TPRG1: variants seen among roughly 807,000 people sequenced by gnomAD.
TPRG1 encodes the protein tumor protein p63 regulated 1.
Under a neutral mutation model 29.3 loss-of-function variants are expected in TPRG1, and 29 were observed. The ratio of observed to expected loss-of-function variants is 0.99; its 90% CI spans 0.74 to 1.35. The LOEUF is 1.35. Among genes scored for constraint, TPRG1 ranks in the 40% most tolerant of loss-of-function variants. TPRG1 has a pLI of 0.00. For synonymous variants in TPRG1, 130 were observed against 116.8 expected (o/e 1.11, Z -0.73); for missense variants, 327 against 335.0 (o/e 0.98, Z 0.19).
At position 189,238,839 on chromosome 3, in the gene TPRG1, C is replaced by G. The variant is rs774264008; in HGVS notation, c.409C>G (p.Arg137Gly). The G allele has an allele frequency of 1.9e-6, 3 of 1,613,742 alleles. No homozygotes were observed. The highest frequency in any genetic ancestry group is 2.2e-5 in the South Asian group (2 of 91,066). The change falls in exon 4 of 6, where the codon CGG becomes GGG. Residue 137 changes from arginine (R) to glycine (G), a missense_variant. Transcript: ENST00000345063. ...CATGCTGAGTTGTGTGCAGCTGCAGCGGATTCCTCTGAGCGCTGTCTATCG... is the reference window on the plus strand; with the variant it reads ...CATGCTGAGTTGTGTGCAGCTGCAGGGGATTCCTCTGAGCGCTGTCTATCG... ...FIMLSCVQLQRIPLSAVYRIC... is the reference protein window; with the variant it reads ...FIMLSCVQLQGIPLSAVYRIC...
At chr3:189,208,060 G>A (rs1734685414) in intron 2 of TPRG1, among the ~76,000 whole-genome samples, 1 of 152,228 alleles carries the variant, frequency 6.6e-6, no homozygotes, top group African/African-American at 2.4e-5. Context: ...GGAGCAGGTA[G>A]CTTTAAATCT....
chr3:189,066,610 T>G (rs543560710), intron 4 of TPRG1, among the ~76,000 whole-genome samples: 14 of 151,136 alleles, frequency 9.3e-5, no homozygotes, highest in African/African-American at 3.4e-4. Context: ...TGATACAATT[T>G]AACATCCCTT....
intron 2 of TPRG1, among the ~76,000 whole-genome samples, chr3:189,208,795 A>G (rs917534828): frequency 2.6e-5 from 4 of 152,204 alleles, no homozygotes; most frequent in Non-Finnish European, 4.4e-5. Context: ...GAGTTGTGCT[A>G]TCTTTGATAT....
At chr3:189,168,136 A>G (rs2108650760), upstream of TPRG1, among the ~76,000 whole-genome samples, 1 of 152,336 alleles carries the variant, frequency 6.6e-6, no homozygotes, top group East Asian at 1.9e-4. Context: ...CAGTTTAGGA[A>G]GCCAAAGCAG....
chr3:189,126,132 G>A (rs140781007), intron 1 of TPRG1, among the ~76,000 whole-genome samples: 2 of 152,170 alleles, frequency 1.3e-5, no homozygotes, highest in African/African-American at 4.8e-5. Flanking sequence ...GACAATTTTG[G>A]TTTGGGGGAT....
intron 4 of TPRG1, among the ~76,000 whole-genome samples, chr3:189,302,834 C>A (rs1721046335): frequency 1.3e-5 from 2 of 152,184 alleles, no homozygotes; most frequent in Admixed American, 1.3e-4. Flanking sequence ...ATTTGCCCAT[C>A]ACCCCAATAA....
chr3:189,098,781 G>A (rs1429798542), upstream of TPRG1, among the ~76,000 whole-genome samples: 1 of 152,102 alleles, frequency 6.6e-6, no homozygotes, highest in Non-Finnish European at 1.5e-5. Flanking sequence ...CACCATCATT[G>A]CCTTTGACCC....
At chr3:189,177,567 A>G (rs1242889128) in intron 1 of TPRG1, among the ~76,000 whole-genome samples, 1 of 151,808 alleles carries the variant, frequency 6.6e-6, no homozygotes, top group Non-Finnish European at 1.5e-5. Context: ...ATGAAATCAA[A>G]TGAGGTAATC....
chr3:189,067,135 A>G (rs1323105924), intron 4 of TPRG1, among the ~76,000 whole-genome samples: 1 of 152,204 alleles, frequency 6.6e-6, no homozygotes, highest in Non-Finnish European at 1.5e-5. Context: ...AGATCTCTAC[A>G]ATAAAAACTA....
intron 4 of TPRG1, among the ~76,000 whole-genome samples, chr3:189,149,368 G>A (rs1460931657): frequency 1.3e-5 from 2 of 152,200 alleles, no homozygotes; most frequent in African/African-American, 2.4e-5. Context: ...CTCAGGGCAC[G>A]AAAGTTGTTG....
At chr3:189,062,927 A>C (rs1716209754) in intron 4 of TPRG1, among the ~76,000 whole-genome samples, 1 of 152,092 alleles carries the variant, frequency 6.6e-6, no homozygotes, top group Admixed American at 6.6e-5. Flanking sequence ...ATCAAAAATT[A>C]TCTTAAATAT....
At chr3:189,155,595 TA>T (rs35345981) in intron 5 of TPRG1, among the ~76,000 whole-genome samples, 157 of 152,264 alleles carry the variant, frequency 1.0e-3, no homozygotes, top group Admixed American at 8.7e-3. Context: ...AGGATATGGA[TA>T]CAGTGAAAGC....
At chr3:189,017,403 C>A (rs1441519467) in intron 3 of TPRG1, among the ~76,000 whole-genome samples, 1 of 152,018 alleles carries the variant, frequency 6.6e-6, no homozygotes, top group Non-Finnish European at 1.5e-5. Context: ...CAACAGTCCC[C>A]AGAGTGTGAT....
rs1724298993 is a variant in TPRG1 at position 189,321,328 on chromosome 3, T to G, written c.*508T>G. On this transcript the variant is annotated 3_prime_UTR_variant, in exon 6 of 6. Transcript: ENST00000345063. ...GTTTTGCATTTCTGACTGCTAATCATCTATATATCAGTGTCCCAGTGGCCT... is the reference window on the plus strand; with the variant it reads ...GTTTTGCATTTCTGACTGCTAATCAGCTATATATCAGTGTCCCAGTGGCCT... The G allele has an allele frequency of 6.6e-6, 1 of 152,088 alleles. No homozygotes were observed. Among genetic ancestry groups the G allele is most frequent in the Non-Finnish European group, 1.5e-5 (1 of 68,024 alleles). The allele number at this position is 152,088 out of a possible 1,614,324, so 9.4% of individuals were successfully genotyped here. A position where few individuals can be genotyped will look rare whatever the true frequency, so the allele number is the denominator to read the frequency against.
chr3:189,013,941 G>A (rs977686998), intron 3 of TPRG1, among the ~76,000 whole-genome samples: 2 of 152,150 alleles, frequency 1.3e-5, no homozygotes, highest in African/African-American at 4.8e-5. Context: ...TGCAGTGGGT[G>A]TTGGTTCTTT....
intron 4 of TPRG1, among the ~76,000 whole-genome samples, chr3:189,090,811 T>C (rs1004679022): frequency 1.3e-5 from 2 of 152,142 alleles, no homozygotes; most frequent in African/African-American, 4.8e-5. Context: ...CTTTATTCTT[T>C]TCTTTAACAA....
intron 4 of TPRG1, among the ~76,000 whole-genome samples, chr3:189,273,401 T>C (rs971739064): frequency 2.6e-5 from 4 of 152,134 alleles, no homozygotes; most frequent in East Asian, 3.9e-4. Context: ...GGGAAAATAC[T>C]GCAGAGAGTT....
chr3:189,067,146 T>C (rs932311164), intron 4 of TPRG1, among the ~76,000 whole-genome samples: 4 of 152,192 alleles, frequency 2.6e-5, no homozygotes, highest in African/African-American at 9.6e-5. Flanking sequence ...ATAAAAACTA[T>C]AAAACATTGA....
intron 3 of TPRG1, among the ~76,000 whole-genome samples, chr3:189,228,310 A>G (rs1267699979): frequency 6.6e-6 from 1 of 152,178 alleles, no homozygotes; most frequent in Non-Finnish European, 1.5e-5. Context: ...AAAACCAAAG[A>G]CAGTACAAAA....
Sources: gnomAD v4.1 joint callset for allele counts (sites outside exome capture counted in the v4.1 genomes callset) on GRCh38, gnomAD v4.1.1 for gene constraint, MANE v1.5 for transcripts, NCBI Gene and HGNC (gene_info 2026-07-23, HGNC 2026-07-21) for gene names.